ULK4: variants seen among roughly 807,000 people sequenced by gnomAD.
The protein encoded by ULK4 is unc-51 like kinase 4, also known as inactive serine/threonine-protein kinase ULK4.
ULK4 carries 133 observed loss-of-function variants against 160.6 expected under a neutral mutation model. The ratio of observed to expected loss-of-function variants is 0.83; its 90% CI spans 0.72 to 0.96. The LOEUF is 0.96. Among genes scored for constraint, ULK4 ranks in the 40% least tolerant of loss-of-function variants. ULK4 has a pLI of 0.00. For missense variants in ULK4, 1,580 were observed against 1,499.5 expected (o/e 1.05, Z -0.89); for synonymous variants, 534 against 539.8 (o/e 0.99, Z 0.15).
In ULK4 at chr3:41,398,306, C is replaced by T. The variant is rs142545219; in HGVS notation, c.3493-42G>A. The T allele has an allele frequency of 2.6e-3, 4,090 of 1,597,264 alleles. 16 individuals carry two copies. The highest frequency in any genetic ancestry group is 6.0e-3 in the Middle Eastern group (36 of 5,970). The stretch of plus-strand genomic sequence containing the variant: ...AAGACTATTTAAATTTCCTTGAAGA[C>T]GGTATTAGTACTCAAAAAAAACACA... On this transcript the variant is annotated intron_variant, in intron 34 of 36. Coordinates refer to ENST00000301831, the MANE Select transcript of ULK4 (RefSeq NM_017886.4).
At chr3:41,462,468 C>A (rs2083709567) in intron 33 of ULK4, among the ~76,000 whole-genome samples, 1 of 152,164 alleles carries the variant, frequency 6.6e-6, no homozygotes, top group Non-Finnish European at 1.5e-5. Context: ...TAGGAAAGTA[C>A]TCTATAAAAC....
chr3:41,865,245 T>C (rs2042589406), intron 17 of ULK4, among the ~76,000 whole-genome samples: 1 of 115,620 alleles, frequency 8.6e-6, no homozygotes, highest in South Asian at 3.1e-4. Flanking sequence ...CACTCCAGCC[T>C]GGGCAACAGA....
intron 30 of ULK4, among the ~76,000 whole-genome samples, chr3:41,635,862 A>G (rs1294082294): frequency 6.6e-6 from 1 of 152,196 alleles, no homozygotes; most frequent in Non-Finnish European, 1.5e-5. Context: ...TTCAAATTCT[A>G]TTGGGTTTTT....
intron 22 of ULK4, among the ~76,000 whole-genome samples, chr3:41,730,807 A>T (rs988608008): frequency 6.6e-6 from 1 of 152,332 alleles, no homozygotes; most frequent in East Asian, 1.9e-4. Context: ...ATTACAGGCC[A>T]ATATCCTTGA....
At chr3:41,814,472 T>C (rs1370639069) in intron 19 of ULK4, among the ~76,000 whole-genome samples, 5 of 152,188 alleles carry the variant, frequency 3.3e-5, no homozygotes, top group Non-Finnish European at 1.5e-5. Flanking sequence ...GTGAGTTCTG[T>C]CACTTTGGAG....
intron 32 of ULK4, among the ~76,000 whole-genome samples, chr3:41,538,318 T>C (rs117368452): frequency 6.6e-6 from 1 of 151,920 alleles, no homozygotes; most frequent in Non-Finnish European, 1.5e-5. Flanking sequence ...TGCCTACTGG[T>C]GTAGCCACAG....
intron 34 of ULK4, among the ~76,000 whole-genome samples, chr3:41,444,468 C>T (rs985047652): frequency 6.6e-6 from 1 of 151,868 alleles, no homozygotes; most frequent in Middle Eastern, 3.2e-3. Flanking sequence ...AAAAGACCAT[C>T]AGTTATTACC....
At chr3:41,783,996 A>T (rs975139847) in intron 21 of ULK4, among the ~76,000 whole-genome samples, 2 of 152,172 alleles carry the variant, frequency 1.3e-5, no homozygotes, top group Non-Finnish European at 2.9e-5. Flanking sequence ...CTAACCTACA[A>T]GATTTTTTCT....
At chr3:41,957,448 C>CAAAA (rs11455719) in intron 1 of ULK4, among the ~76,000 whole-genome samples, 17,650 of 96,790 alleles carry the variant, frequency 0.18, 2,902 homozygotes, top group Non-Finnish European at 0.23. Flanking sequence ...GAGCACCACT[C>CAAAA]AAAAAAAAAA....
At chr3:41,315,974 G>T (rs185436385) in intron 35 of ULK4, among the ~76,000 whole-genome samples, 1 of 152,280 alleles carries the variant, frequency 6.6e-6, no homozygotes, top group Admixed American at 6.5e-5. Context: ...CTTTAGAAAA[G>T]AGTCTGGGAG....
Position 41,692,827 on chromosome 3 carries a change from G to A in ULK4, c.2782-11023C>T, listed in dbSNP as rs1055413251. Among the ~76,000 whole-genome samples, 6 of 152,018 alleles carry A rather than the reference G, an allele frequency of 3.9e-5. No individual in the cohort carries two copies. The East Asian group carries it at 5.8e-4, about 15-fold the overall frequency. ...TCCTAAGTCTGGTGACTTTTATTTCGTTGCTCAAAAACTAGGACCCCCACC... is the reference window on the plus strand; with the variant it reads ...TCCTAAGTCTGGTGACTTTTATTTCATTGCTCAAAAACTAGGACCCCCACC... On this transcript the variant is annotated intron_variant, in intron 27 of 36. Transcript: ENST00000301831.
chr3:41,375,697 T>A (rs1394913470), intron 35 of ULK4, among the ~76,000 whole-genome samples: 1 of 150,214 alleles, frequency 6.7e-6, no homozygotes, highest in East Asian at 2.1e-4. Flanking sequence ...TCCTAGCCAA[T>A]ACCATTCAGG....
At chr3:41,826,134 T>G (rs1229348262) in intron 18 of ULK4, among the ~76,000 whole-genome samples, 2 of 152,118 alleles carry the variant, frequency 1.3e-5, no homozygotes, top group African/African-American at 4.8e-5. Context: ...CCACCAGGCC[T>G]GCCCTACAAG....
At chr3:41,329,619 T>C (rs758505895) in intron 35 of ULK4, among the ~76,000 whole-genome samples, 1 of 152,174 alleles carries the variant, frequency 6.6e-6, no homozygotes, top group Non-Finnish European at 1.5e-5. Flanking sequence ...CCCAGTGTCA[T>C]AAACATCTTT....
intron 32 of ULK4, among the ~76,000 whole-genome samples, chr3:41,515,731 G>C (rs573108515): frequency 1.3e-3 from 201 of 152,258 alleles, no homozygotes; most frequent in African/African-American, 4.4e-3. Flanking sequence ...GAGGGAAAGT[G>C]CCCCCATGAT....
intron 22 of ULK4, among the ~76,000 whole-genome samples, chr3:41,743,997 T>C (rs2038331787): frequency 6.6e-6 from 1 of 151,892 alleles, no homozygotes; most frequent in Admixed American, 6.5e-5. Context: ...TCATTCACAG[T>C]GATAACATAT....
At chr3:41,474,486 C>T (rs530065670) in intron 32 of ULK4, among the ~76,000 whole-genome samples, 21 of 151,578 alleles carry the variant, frequency 1.4e-4, no homozygotes, top group Non-Finnish European at 2.5e-4. Context: ...AAAGTGCAGG[C>T]AACAAAAGCA....
At chr3:41,415,611 G>A (rs1023935564) in intron 34 of ULK4, among the ~76,000 whole-genome samples, 3 of 152,002 alleles carry the variant, frequency 2.0e-5, no homozygotes, top group Non-Finnish European at 4.4e-5. Flanking sequence ...CATAAATCAC[G>A]GCTCAGTTCA....
intron 32 of ULK4, among the ~76,000 whole-genome samples, chr3:41,554,352 T>C (rs1200200869): frequency 1.3e-5 from 2 of 152,138 alleles, no homozygotes; most frequent in African/African-American, 4.8e-5. Context: ...TATCTATACA[T>C]GATGGAATAC....
Sources: gnomAD v4.1 joint callset for allele counts (sites outside exome capture counted in the v4.1 genomes callset) on GRCh38, gnomAD v4.1.1 for gene constraint, MANE v1.5 for transcripts, NCBI Gene and HGNC (gene_info 2026-07-23, HGNC 2026-07-21) for gene names.